DPP10: variants seen among roughly 807,000 people sequenced by gnomAD.
DPP10 encodes dipeptidyl peptidase like 10.
In DPP10, 33 loss-of-function variants were observed where a neutral mutation model predicts 120.9. The observed-to-expected ratio is 0.27, with a 90% CI of 0.21 to 0.37. The LOEUF (loss-of-function observed/expected upper bound fraction) is 0.37, where lower values mean the gene tolerates loss of function less well. Ranked by LOEUF, DPP10 falls within the 10% of genes least tolerant of loss-of-function variation. The probability of loss-of-function intolerance (pLI) is 1.00; values close to 1 mark genes in which losing one functional copy is unlikely to be tolerated. For missense variants in DPP10, 816 were observed against 942.8 expected (o/e 0.87, Z 1.76); for synonymous variants, 337 against 326.1 (o/e 1.03, Z -0.36).
chr2:114,494,613 C>G (rs765032880), intron 1 of DPP10, among the ~76,000 whole-genome samples: 15 of 152,136 alleles, frequency 9.9e-5, no homozygotes, highest in Non-Finnish European at 2.2e-4. Flanking sequence ...GAAATCCGGT[C>G]ATACCTACAT....
At chr2:114,570,852 A>AAAAAAAAAG in intron 1 of DPP10, among the ~76,000 whole-genome samples, 1 of 150,916 alleles carries the variant, frequency 6.6e-6, no homozygotes, top group Non-Finnish European at 1.5e-5. Flanking sequence ...AAAAAAAAAA[A>AAAAAAAAAG]AAAAAAAAGA....
At chr2:114,615,215 T>A (rs893163377) in intron 1 of DPP10, among the ~76,000 whole-genome samples, 3 of 152,166 alleles carry the variant, frequency 2.0e-5, no homozygotes, top group Admixed American at 6.6e-5. Context: ...TCCAATTATA[T>A]AATTTGTATT....
intron 3 of DPP10, among the ~76,000 whole-genome samples, chr2:115,406,165 T>C (rs896483891): frequency 3.9e-5 from 6 of 152,204 alleles, no homozygotes; most frequent in Non-Finnish European, 8.8e-5. Context: ...TGCTTAGATA[T>C]GTCTACAAAG....
chr2:114,665,648 T>A (rs1697866273), intron 1 of DPP10, among the ~76,000 whole-genome samples: 1 of 152,212 alleles, frequency 6.6e-6, no homozygotes, highest in Non-Finnish European at 1.5e-5. Flanking sequence ...ATTGTCTGAA[T>A]AATAGATATA....
chr2:114,881,625 T>TATCTATC (rs1691651986), intron 1 of DPP10, among the ~76,000 whole-genome samples: 1 of 152,008 alleles, frequency 6.6e-6, no homozygotes, highest in Non-Finnish European at 1.5e-5. Flanking sequence ...TCTATCTATC[T>TATCTATC]ATCTATCTAT....
At chr2:115,184,538 C>G (rs1053854642) in intron 1 of DPP10, among the ~76,000 whole-genome samples, 1 of 152,184 alleles carries the variant, frequency 6.6e-6, no homozygotes, top group Non-Finnish European at 1.5e-5. Context: ...AGGAATGGCC[C>G]CATTTTTCAC....
At chr2:114,683,391 C>T (rs1293300878) in intron 1 of DPP10, among the ~76,000 whole-genome samples, 2 of 151,630 alleles carry the variant, frequency 1.3e-5, no homozygotes, top group African/African-American at 4.8e-5. Flanking sequence ...GAATTCTCAC[C>T]CAGGCCCACT....
intron 1 of DPP10, among the ~76,000 whole-genome samples, chr2:115,109,343 C>T (rs1290364397): frequency 6.6e-6 from 1 of 152,074 alleles, no homozygotes; most frequent in Non-Finnish European, 1.5e-5. Flanking sequence ...CGAGACCATC[C>T]TGGCCAACAT....
chr2:114,643,329 T>C (rs1695855240), intron 1 of DPP10, among the ~76,000 whole-genome samples: 1 of 151,864 alleles, frequency 6.6e-6, no homozygotes, highest in African/African-American at 2.4e-5. Flanking sequence ...AGTTATCTTC[T>C]CTCCCGTGAA....
At chr2:114,616,672 TCAAA>T (rs1262941746) in intron 1 of DPP10, among the ~76,000 whole-genome samples, 1 of 152,062 alleles carries the variant, frequency 6.6e-6, no homozygotes, top group African/African-American at 2.4e-5. Context: ...TTTTGTAAAC[TCAAA>T]CAAAATTATT....
intron 1 of DPP10, among the ~76,000 whole-genome samples, chr2:115,022,015 T>G (rs547324347): frequency 7.9e-4 from 120 of 151,804 alleles, no homozygotes; most frequent in African/African-American, 2.8e-3. Context: ...GGACATATAA[T>G]AAGGTAATAA....
chr2:115,353,044 A>G (rs1489519106), intron 3 of DPP10, among the ~76,000 whole-genome samples: 1 of 152,150 alleles, frequency 6.6e-6, no homozygotes, highest in African/African-American at 2.4e-5. Flanking sequence ...CCCAGAGACT[A>G]TAGAAACTAG....
intron 1 of DPP10, among the ~76,000 whole-genome samples, chr2:114,450,899 G>A (rs978211912): frequency 6.6e-6 from 1 of 151,972 alleles, no homozygotes; most frequent in Non-Finnish European, 1.5e-5. Context: ...GTTTGTTCTG[G>A]CACTCTAGTG....
intron 19 of DPP10, among the ~76,000 whole-genome samples, chr2:115,795,328 G>A (rs753718972): frequency 2.0e-5 from 3 of 152,062 alleles, no homozygotes; most frequent in Non-Finnish European, 2.9e-5. Context: ...TGCCACACTC[G>A]TTAAAGGTCT....
chr2:114,635,257 T>A (rs1695224176), intron 1 of DPP10, among the ~76,000 whole-genome samples: 1 of 151,904 alleles, frequency 6.6e-6, no homozygotes, highest in South Asian at 2.1e-4. Flanking sequence ...AAAATCCTCT[T>A]AATAGCATGG....
intron 2 of DPP10, among the ~76,000 whole-genome samples, chr2:115,331,380 T>C (rs2062720533): frequency 6.6e-6 from 1 of 152,210 alleles, no homozygotes; most frequent in Non-Finnish European, 1.5e-5. Flanking sequence ...AAGGACAATT[T>C]GACTTCCTCT....
intron 5 of DPP10, among the ~76,000 whole-genome samples, chr2:115,542,389 T>C (rs924984264): frequency 6.6e-6 from 1 of 151,962 alleles, no homozygotes; most frequent in Admixed American, 6.6e-5. Flanking sequence ...TTAAGTTCCA[T>C]CCACATTGTT....
intron 1 of DPP10, among the ~76,000 whole-genome samples, chr2:114,712,620 CA>C (rs1390801584): frequency 6.6e-6 from 1 of 152,068 alleles, no homozygotes; most frequent in African/African-American, 2.4e-5. Flanking sequence ...CATTAGTAGG[CA>C]AAATTGTAAA....
At chr2:114,905,468 A>G (rs956571433) in intron 1 of DPP10, among the ~76,000 whole-genome samples, 12 of 151,838 alleles carry the variant, frequency 7.9e-5, no homozygotes, top group African/African-American at 2.9e-4. Flanking sequence ...TTTTTAGTTT[A>G]TTTTATTGTA....
Sources: allele counts gnomAD v4.1 joint callset (sites outside exome capture counted in the v4.1 genomes callset), GRCh38; gene constraint gnomAD v4.1.1; transcripts MANE v1.5; gene names NCBI Gene and HGNC (gene_info 2026-07-23, HGNC 2026-07-21).